The following SPMIP11 variants were observed in gnomAD, a reference collection of about 807,000 sequenced individuals.
The protein encoded by SPMIP11 is sperm microtubule inner protein 11.
the SPMIP11 span, chr12:48,759,095 T>C: frequency 3.3e-6 from 2 of 611,840 alleles, no homozygotes; most frequent in Admixed American, 2.5e-5. Flanking sequence ...GAAAATTGGA[T>C]GTGAGTGGCT....
chr12:48,764,495 G>C, the SPMIP11 span, among the ~76,000 whole-genome samples: 3 of 152,128 alleles, frequency 2.0e-5, no homozygotes, highest in Non-Finnish European at 2.9e-5. Context: ...AAGAGAATGA[G>C]GATGATTAAG....
the SPMIP11 span, among the ~76,000 whole-genome samples, chr12:48,761,268 G>A: frequency 1.3e-5 from 2 of 151,978 alleles, no homozygotes; most frequent in South Asian, 2.1e-4. Flanking sequence ...CCAACATGGC[G>A]AAACCCCATC....
the SPMIP11 span, among the ~76,000 whole-genome samples, chr12:48,757,933 G>T: frequency 3.3e-5 from 5 of 152,030 alleles, no homozygotes; most frequent in African/African-American, 9.7e-5. Flanking sequence ...GATAGATGTT[G>T]CAGTGAGCCA....
At chr12:48,741,845 T>C in the SPMIP11 span, among the ~76,000 whole-genome samples, 1 of 152,020 alleles carries the variant, frequency 6.6e-6, no homozygotes, top group East Asian at 1.9e-4. Context: ...CTCGCTATGT[T>C]GTCCAGGCTA....
the SPMIP11 span, chr12:48,768,610 T>C: frequency 1.2e-5 from 20 of 1,614,050 alleles, no homozygotes; most frequent in South Asian, 3.3e-5. Context: ...GGGGCCCCCA[T>C]TGAGGAAGTA....
chr12:48,765,578 G>A, the SPMIP11 span: 7 of 702,722 alleles, frequency 1.0e-5, no homozygotes, highest in Non-Finnish European at 1.6e-5. Flanking sequence ...TGGCCTGGCT[G>A]AATCTCTCTC....
At chr12:48,756,472 T>C in the SPMIP11 span, among the ~76,000 whole-genome samples, 192 of 152,154 alleles carry the variant, frequency 1.3e-3, 2 homozygotes, top group Admixed American at 0.011. Context: ...AGAGATTTAA[T>C]TGGAAGGCAA....
At chr12:48,754,246 A>T in the SPMIP11 span, among the ~76,000 whole-genome samples, 1,257 of 152,036 alleles carry the variant, frequency 8.3e-3, 19 homozygotes, top group African/African-American at 0.025. Context: ...ACAAAAAAAA[A>T]TTTTTTTAAT....
chr12:48,736,188 G>C, the SPMIP11 span: 5 of 395,852 alleles, frequency 1.3e-5, no homozygotes, highest in Non-Finnish European at 2.5e-5. Flanking sequence ...TGGATTCCTT[G>C]AGCCCAGGAA....
the SPMIP11 span, among the ~76,000 whole-genome samples, chr12:48,756,779 C>T: frequency 0.35 from 49,177 of 140,216 alleles, 9,459 homozygotes; most frequent in Non-Finnish European, 0.46. Flanking sequence ...TTCTTTTTTT[C>T]TTTTTTTTTT....
chr12:48,768,768 T>A, the SPMIP11 span: 1 of 1,600,472 alleles, frequency 6.2e-7, no homozygotes, highest in Non-Finnish European at 8.5e-7. Context: ...CCTGCTGCAT[T>A]TGCAGGGGCC....
the SPMIP11 span, among the ~76,000 whole-genome samples, chr12:48,749,261 C>CAAA: frequency 7.7e-6 from 1 of 129,466 alleles, no homozygotes. Flanking sequence ...GACTCAGTCT[C>CAAA]AAAAAAAAAA....
chr12:48,759,669 CAA>C, the SPMIP11 span, among the ~76,000 whole-genome samples: 59 of 78,844 alleles, frequency 7.5e-4, no homozygotes, highest in African/African-American at 1.9e-3. Flanking sequence ...CACTTTGTCT[CAA>C]AAAAAAAAAA....
At chr12:48,764,987 G>C in the SPMIP11 span, 1,701 of 702,782 alleles carry the variant, frequency 2.4e-3, 20 homozygotes, top group African/African-American at 0.027. Flanking sequence ...TAAAAAGCGC[G>C]ATGACCAGGT....
chr12:48,749,660 A>G, the SPMIP11 span, among the ~76,000 whole-genome samples: 1 of 124,084 alleles, frequency 8.1e-6, no homozygotes, highest in African/African-American at 2.9e-5. Flanking sequence ...AAAAAAAAAA[A>G]AGAGTTGTTT....
At chr12:48,739,521 A>G in the SPMIP11 span, among the ~76,000 whole-genome samples, 2 of 152,204 alleles carry the variant, frequency 1.3e-5, no homozygotes, top group Non-Finnish European at 2.9e-5. Context: ...CTGAGTAATT[A>G]TAAAGAAAAG....
chr12:48,740,514 A>G, the SPMIP11 span, among the ~76,000 whole-genome samples: 13 of 144,498 alleles, frequency 9.0e-5, no homozygotes, highest in African/African-American at 3.3e-4. Context: ...TTTTTTTCAG[A>G]CAGGGTCTCA....
At chr12:48,769,138 G>A in the SPMIP11 span, 1 of 1,380,042 alleles carries the variant, frequency 7.2e-7, no homozygotes, top group Non-Finnish European at 9.6e-7. Flanking sequence ...TCCTGGCACT[G>A]GTAGAAGGAC....
the SPMIP11 span, among the ~76,000 whole-genome samples, chr12:48,763,508 T>C: frequency 3.3e-5 from 5 of 152,216 alleles, no homozygotes; most frequent in South Asian, 1.0e-3. Context: ...TATTAATTAA[T>C]AGAAAAATAA....
Sources: gnomAD v4.1 joint callset for allele counts (sites outside exome capture counted in the v4.1 genomes callset) on GRCh38, gnomAD v4.1.1 for gene constraint, MANE v1.5 for transcripts, NCBI Gene and HGNC (gene_info 2026-07-23, HGNC 2026-07-21) for gene names.